TBL1X: variants seen among roughly 807,000 people sequenced by gnomAD.
The protein encoded by TBL1X is transducin beta like 1 X-linked.
TBL1X carries 10 observed loss-of-function variants against 50.7 expected under a neutral mutation model. That is an observed-to-expected ratio of 0.20 (90% CI 0.12 to 0.33). TBL1X has a LOEUF of 0.33. TBL1X is among the 10% of genes least tolerant of loss of function. The pLI is 1.00. For missense variants in TBL1X, 340 were observed against 504.4 expected (o/e 0.67, Z 3.12); for synonymous variants, 190 against 214.7 (o/e 0.88, Z 1.01).
intron 1 of TBL1X, among the ~76,000 whole-genome samples, chrX:9,466,832 T>G (rs1213354399): frequency 8.9e-6 from 1 of 112,565 alleles, no homozygotes; most frequent in Non-Finnish European, 1.9e-5. Context: ...TCAAATGTGC[T>G]GCACATTTTT....
chrX:9,630,293 T>A (rs760815397), intron 2 of TBL1X, among the ~76,000 whole-genome samples: 1 of 112,078 alleles, frequency 8.9e-6, no homozygotes, highest in Non-Finnish European at 1.9e-5. Context: ...CCGAAATATC[T>A]TCCACAGATT....
At chrX:9,556,196 A>C (rs148464884) in intron 2 of TBL1X, among the ~76,000 whole-genome samples, 2,424 of 99,769 alleles carry the variant, frequency 0.024, 60 homozygotes, top group African/African-American at 0.082. Context: ...AAACAAAAAA[A>C]AAACAAAACA....
intron 2 of TBL1X, among the ~76,000 whole-genome samples, chrX:9,613,760 C>T (rs751598430): frequency 2.7e-5 from 3 of 110,126 alleles, no homozygotes; most frequent in South Asian, 7.7e-4. Flanking sequence ...CCTTGGCGGG[C>T]GGATCACCTG....
chrX:9,489,482 C>T (rs924449410), intron 1 of TBL1X, among the ~76,000 whole-genome samples: 1 of 111,732 alleles, frequency 8.9e-6, no homozygotes, highest in Non-Finnish European at 1.9e-5. Context: ...CTTTCTTGCT[C>T]ACTAGTCATG....
intron 2 of TBL1X, among the ~76,000 whole-genome samples, chrX:9,540,384 G>T (rs139307924): frequency 0.016 from 1,832 of 112,261 alleles, 34 homozygotes; most frequent in African/African-American, 0.055. Context: ...TTTGTTTGAG[G>T]CCAACCAAGT....
intron 2 of TBL1X, among the ~76,000 whole-genome samples, chrX:9,576,725 G>C (rs1026231065): frequency 3.9e-5 from 4 of 103,840 alleles, no homozygotes; most frequent in African/African-American, 1.4e-4. Flanking sequence ...AACATCGGAC[G>C]TGGTGGGTCA....
At chrX:9,465,035 C>A (rs1305136651), upstream of TBL1X, 2 of 109,109 alleles carry the variant, frequency 1.8e-5, no homozygotes, top group African/African-American at 6.6e-5. Flanking sequence ...GGACCCCTGG[C>A]GGTCCTCCTG....
At chrX:9,597,381 TCAGA>T (rs1272016984) in intron 2 of TBL1X, among the ~76,000 whole-genome samples, 1 of 111,843 alleles carries the variant, frequency 8.9e-6, no homozygotes, top group Non-Finnish European at 1.9e-5. Context: ...GTGGTCTGTT[TCAGA>T]AGACTCAAGT....
chrX:9,709,368 C>A, intron 14 of TBL1X, 46 bp downstream of exon 14: 1 of 1,172,419 alleles, frequency 8.5e-7, no homozygotes, highest in Admixed American at 2.2e-5. Flanking sequence ...CCTAGACAAC[C>A]CCGGGCACTT....
intron 2 of TBL1X, among the ~76,000 whole-genome samples, chrX:9,551,145 A>T (rs951053868): frequency 9.0e-6 from 1 of 111,645 alleles, no homozygotes; most frequent in Non-Finnish European, 1.9e-5. Flanking sequence ...GCACCCATGA[A>T]GTATGCAGTG....
At position 9,717,927 on chromosome X, in the gene TBL1X, T is replaced by A. The variant is rs188161738; in HGVS notation, c.*1681T>A. ...TTTTAAATAATCTTTTTGCTGTTTTTAAAAAATTAAACAAGGCTTTGTGTT... is the reference window on the plus strand; with the variant it reads ...TTTTAAATAATCTTTTTGCTGTTTTAAAAAAATTAAACAAGGCTTTGTGTT... On this transcript the variant is annotated 3_prime_UTR_variant, in exon 18 of 18. Transcript: ENST00000645353. 1 of 112,101 alleles carries A rather than the reference T, an allele frequency of 8.9e-6. No homozygotes were observed. The highest frequency in any genetic ancestry group is 2.8e-4 in the East Asian group (1 of 3,576). The allele number at this position is 112,101 out of a possible 1,213,427, so 9.2% of individuals were successfully genotyped here.
chrX:9,534,304 C>G (rs2082177038), intron 2 of TBL1X, among the ~76,000 whole-genome samples: 1 of 111,535 alleles, frequency 9.0e-6, no homozygotes, highest in South Asian at 3.8e-4. Context: ...ATCTGAATTT[C>G]TTTCATCATT....
At chrX:9,569,022 TTG>T (rs750517021) in intron 2 of TBL1X, among the ~76,000 whole-genome samples, 3 of 95,978 alleles carry the variant, frequency 3.1e-5, no homozygotes, top group African/African-American at 7.8e-5. Context: ...AGTGTGCTCT[TTG>T]TGTGTGTGTG....
At chrX:9,630,956 A>T (rs772983872) in intron 2 of TBL1X, among the ~76,000 whole-genome samples, 2 of 111,228 alleles carry the variant, frequency 1.8e-5, no homozygotes, top group East Asian at 5.5e-4. Flanking sequence ...ACTATATATC[A>T]ACAACATATA....
At chrX:9,600,475 G>GGA (rs545483445) in intron 2 of TBL1X, among the ~76,000 whole-genome samples, 25,036 of 73,620 alleles carry the variant, frequency 0.34, 4,528 homozygotes, top group East Asian at 0.69. Flanking sequence ...TGGGCGGGGG[G>GGA]GGGGGTACAC....
chrX:9,687,944 CCAGAGAG>C lies in TBL1X; in HGVS notation c.358-67_358-61del, dbSNP rs763679103. On this transcript the variant is annotated intron_variant, in intron 6 of 17. Transcript: ENST00000645353. ...CCCCACTTCCCTGCGCTTCTCCTGC[CCAGAGAG>C]CAGAGGCCATTCCCAGAGCCCTCAC... 2,502 of 1,143,098 alleles carry C rather than the reference CCAGAGAG, an allele frequency of 2.2e-3. 15 individuals carry two copies. The highest frequency in any genetic ancestry group is 0.021 in the African/African-American group (1,123 of 53,778). The allele number at this position is 1,143,098 out of a possible 1,213,427, so 94.2% of individuals were successfully genotyped here. A position where few individuals can be genotyped will look rare whatever the true frequency, so the allele number is the denominator to read the frequency against.
intron 13 of TBL1X, among the ~76,000 whole-genome samples, chrX:9,705,823 C>A (rs1209524782): frequency 9.1e-6 from 1 of 109,853 alleles, no homozygotes; most frequent in Admixed American, 9.8e-5. Context: ...GTTCTCAATT[C>A]TCTCATTGCT....
chrX:9,473,374 G>T (rs771200111), intron 1 of TBL1X, among the ~76,000 whole-genome samples: 1 of 111,932 alleles, frequency 8.9e-6, no homozygotes, highest in African/African-American at 3.2e-5. Context: ...AAAAACTCAA[G>T]AATTCAAAAT....
chrX:9,686,461 G>T (rs911954627), intron 6 of TBL1X, among the ~76,000 whole-genome samples: 10 of 112,604 alleles, frequency 8.9e-5, no homozygotes, highest in Non-Finnish European at 1.9e-4. Context: ...ACTTTGGGAA[G>T]CCAAGGCAGG....
Sources: allele counts gnomAD v4.1 joint callset (sites outside exome capture counted in the v4.1 genomes callset), GRCh38; gene constraint gnomAD v4.1.1; transcripts MANE v1.5; gene names NCBI Gene and HGNC (gene_info 2026-07-23, HGNC 2026-07-21).